UTP20: variants seen among roughly 807,000 people sequenced by gnomAD.
UTP20 encodes small subunit processome component 20 homolog.
Under a neutral mutation model 329.5 loss-of-function variants are expected in UTP20, and 164 were observed. The ratio of observed to expected loss-of-function variants is 0.50; its 90% CI spans 0.44 to 0.57. The LOEUF is 0.57. Among genes scored for constraint, UTP20 ranks in the 20% least tolerant of loss-of-function variants. The pLI is 0.00. For synonymous variants in UTP20, 1,151 were observed against 1,159.3 expected (o/e 0.99, Z 0.14); for missense variants, 3,055 against 3,284.2 (o/e 0.93, Z 1.71).
At position 101,385,708 on chromosome 12, in the gene UTP20, A is replaced by C. The variant is rs1291741135; in HGVS notation, c.8182A>C (p.Lys2728Gln). The C allele has an allele frequency of 1.2e-6, 2 of 1,610,058 alleles. No homozygotes were observed. The highest frequency in any genetic ancestry group is 1.7e-6 in the Non-Finnish European group (2 of 1,179,284). Reference protein sequence around the residue: ...KQANEKRALRKKRKALEFVTN... With the variant: ...KQANEKRALRQKRKALEFVTN... ...GGCTAATGAGAAAAGGGCACTCCGG[A>C]AAAAGAGGAAGGCCCTGGAGGTAAG... The change falls in exon 61 of 62, where the codon AAA (lysine) becomes CAA (glutamine). Residue 2728 changes from lysine (K) to glutamine (Q), a missense_variant. Lys to Gln is a moderately conservative substitution (Grantham distance 53, BLOSUM62 1). This residue lies in a region of UTP20 where 337 missense variants were observed against 345.5 expected (regional missense o/e 0.98). Transcript: ENST00000261637.
At chr12:101,312,938 A>G (rs909711751) in intron 21 of UTP20, among the ~76,000 whole-genome samples, 1 of 152,216 alleles carries the variant, frequency 6.6e-6, no homozygotes, top group Admixed American at 6.5e-5. Context: ...AGTTTGATTC[A>G]TGTAGAAAGG....
chr12:101,367,068 A>G (rs1870117611), intron 47 of UTP20, among the ~76,000 whole-genome samples: 1 of 151,996 alleles, frequency 6.6e-6, no homozygotes, highest in African/African-American at 2.4e-5. Context: ...TCACTTGAGG[A>G]GAGGAGTCTG....
chr12:101,280,151 A>C lies in UTP20; in HGVS notation c.-132A>C. On this transcript the variant is annotated 5_prime_UTR_variant, in exon 1 of 62. Coordinates refer to ENST00000261637, the MANE Select transcript of UTP20 (RefSeq NM_014503.3). The stretch of plus-strand genomic sequence containing the variant: ...CAACATGGCGGCGCCCAGGGGCTCA[A>C]GCCGCACGTGAGAAAGTCTGGGCAT... 8.2e-7 allele frequency: 1 copy of C among 1,224,220 alleles called. No homozygotes were observed. 75.8% of individuals were successfully genotyped at this position (1,224,220 alleles called of 1,614,324 possible). A position where few individuals can be genotyped will look rare whatever the true frequency, so the allele number is the denominator to read the frequency against.
intron 21 of UTP20, among the ~76,000 whole-genome samples, chr12:101,312,704 T>C (rs1460675815): frequency 6.6e-6 from 1 of 152,228 alleles, no homozygotes; most frequent in Non-Finnish European, 1.5e-5. Context: ...CTTCCCAAAG[T>C]GCTGGGATTA....
chr12:101,331,530 A>G (rs551234625), intron 27 of UTP20, among the ~76,000 whole-genome samples: 7 of 152,328 alleles, frequency 4.6e-5, no homozygotes, highest in Admixed American at 3.9e-4. Context: ...AAAGTAGAAC[A>G]TATGTGAGAT....
chr12:101,326,682 C>G (rs1370283585), intron 25 of UTP20, among the ~76,000 whole-genome samples: 5 of 151,890 alleles, frequency 3.3e-5, no homozygotes, highest in Non-Finnish European at 7.4e-5. Flanking sequence ...CTTTTTCTCC[C>G]ATAACAAACC....
Position 101,352,881 on chromosome 12 carries a change from A to G in UTP20, c.5025-166A>G, listed in dbSNP as rs565612676. On this transcript the variant is annotated intron_variant, in intron 39 of 61. Transcript: ENST00000261637. ...GTGAATTAGTCTTTCTGTAATCTCA[A>G]TTTACTTTTATCTTGTATTAATAAG... Among the ~76,000 whole-genome samples the G allele has an allele frequency of 2.6e-5, 4 of 152,196 alleles. No homozygotes were observed. The East Asian group carries it at 5.8e-4, about 22-fold the overall frequency.
intron 10 of UTP20, among the ~76,000 whole-genome samples, chr12:101,292,649 G>A (rs1038755659): frequency 6.6e-6 from 1 of 152,178 alleles, no homozygotes. Flanking sequence ...TACTAAGAGA[G>A]GGAACAGAAA....
chr12:101,366,407 T>G, intron 46 of UTP20, 151 bp from the exon 47 acceptor site: 1 of 821,716 alleles, frequency 1.2e-6, no homozygotes, highest in Non-Finnish European at 1.9e-6. Context: ...CTTCTGTATC[T>G]CATGGTTTGG....
chr12:101,343,762 T>G (rs1468052712), intron 35 of UTP20, among the ~76,000 whole-genome samples: 1 of 152,222 alleles, frequency 6.6e-6, no homozygotes, highest in African/African-American at 2.4e-5. Context: ...TCCGCCCATC[T>G]TGGCCTCCCA....
At chr12:101,296,283 C>CA in intron 12 of UTP20, among the ~76,000 whole-genome samples, 1 of 152,224 alleles carries the variant, frequency 6.6e-6, no homozygotes. Flanking sequence ...TTAATAACCA[C>CA]ACTCCTGGCC....
Position 101,308,297 on chromosome 12 carries a change from G to T in UTP20, c.2108G>T (p.Arg703Ile). Residue 703 changes from arginine to isoleucine, a missense_variant, in exon 18 of 62, where the codon AGA (arginine) becomes ATA (isoleucine). By Grantham distance (97) the Arg-to-Ile change is moderately conservative. Coordinates refer to ENST00000261637, the MANE Select transcript of UTP20 (RefSeq NM_014503.3). ...REKLLHLRKLRHDVVQTAVPD... is the reference protein window; with the variant it reads ...REKLLHLRKLIHDVVQTAVPD... ...AAGCTTCTTCATTTGAGAAAACTAA[G>T]ACATGATGTGGTACAGACTGCTGTC... 2 of 1,612,852 alleles carry T rather than the reference G, an allele frequency of 1.2e-6. No homozygotes were observed. Among genetic ancestry groups the T allele is most frequent in the South Asian group, 2.2e-5 (2 of 90,934 alleles).
At position 101,344,597 on chromosome 12, in the gene UTP20, A is replaced by C; in HGVS notation, c.4452A>C (p.Leu1484Phe). 1 of 941,772 alleles carries C rather than the reference A, an allele frequency of 1.1e-6. No individual in the cohort carries two copies. The highest frequency in any genetic ancestry group is 1.8e-6 in the Non-Finnish European group (1 of 566,856). 58.3% of individuals were successfully genotyped at this position (941,772 alleles called of 1,614,324 possible). Residue 1484 changes from leucine (L) to phenylalanine (F), a missense_variant and splice_region_variant, in exon 36 of 62, where the codon TTA becomes TTC. Physicochemically the swap from Leu to Phe is conservative, Grantham distance 22. Around this residue, in one of 3 missense-constraint regions of UTP20, gnomAD observed 2,445 missense variants for 2,575.5 expected, o/e 0.95. Coordinates refer to ENST00000261637, the MANE Select transcript of UTP20 (RefSeq NM_014503.3). ...VMHNCFYNLELGDMSLSDNAS... is the reference protein window; with the variant it reads ...VMHNCFYNLEFGDMSLSDNAS... ...TTTTTTATTTCTCTTTTTTGCAGTT[A>C]GGAGATATGAGTTTAAGTGATAATG... is the stretch of plus-strand genomic sequence containing the variant.
chr12:101,385,995 A>G lies in UTP20; in HGVS notation c.8230A>G (p.Lys2744Glu). ...TGTAACTAATCCTGATATTGCTGCC[A>G]AGAAAAAAATGAAGAAACACAAAAA... ...EFVTNPDIAA[K>E]KKMKKHKNKS... Residue 2744 changes from lysine (K) to glutamate (E), a missense_variant, in exon 62 of 62, where the codon AAG becomes GAG. Physicochemically the swap from Lys to Glu is moderately conservative, Grantham distance 56 (BLOSUM62 1). Transcript: ENST00000261637. The G allele has an allele frequency of 6.2e-7, 1 of 1,602,046 alleles. No homozygotes were observed. Among genetic ancestry groups the G allele is most frequent in the Admixed American group, 1.8e-5 (1 of 56,758 alleles).
At chr12:101,357,162 C>T in intron 43 of UTP20, 80 bp downstream of exon 43, 1 of 1,358,820 alleles carries the variant, frequency 7.4e-7, no homozygotes, top group Non-Finnish European at 1.0e-6. Flanking sequence ...AGTTATGGAA[C>T]TTTGGGCCTG....
At chr12:101,360,516 T>A (rs1869876302) in intron 43 of UTP20, among the ~76,000 whole-genome samples, 1 of 152,096 alleles carries the variant, frequency 6.6e-6, no homozygotes, top group African/African-American at 2.4e-5. Flanking sequence ...CGTCTATATA[T>A]AAAAGTACTT....
intron 12 of UTP20, among the ~76,000 whole-genome samples, chr12:101,297,905 T>C (rs1401997859): frequency 6.6e-6 from 1 of 152,188 alleles, no homozygotes; most frequent in Non-Finnish European, 1.5e-5. Context: ...ATGTGCTAAC[T>C]CATGGCAAGT....
chr12:101,332,731 T>C (rs1868800488), intron 27 of UTP20, among the ~76,000 whole-genome samples: 1 of 152,216 alleles, frequency 6.6e-6, no homozygotes, highest in African/African-American at 2.4e-5. Context: ...ATCCTCTTGC[T>C]GTACAAAGTA....
chr12:101,355,077 G>A lies in UTP20; in HGVS notation c.5353G>A (p.Gly1785Arg). ...TAAAAATATCCAAGGAACCATAACC[G>A]GGGATATTCTCCCCAGGCTACATAA... is the stretch of plus-strand genomic sequence containing the variant. ...TIKNIQGTIT[G>R]DILPRLHKCL... Residue 1785 changes from glycine to arginine, a missense_variant, in exon 41 of 62, where the codon GGG becomes AGG. By Grantham distance (125) the Gly-to-Arg change is moderately radical. Transcript: ENST00000261637. 1.9e-6 allele frequency: 3 copies of A among 1,614,086 alleles called. No homozygotes were observed. Among genetic ancestry groups the A allele is most frequent in the East Asian group, 2.2e-5 (1 of 44,878 alleles).
Sources: allele counts gnomAD v4.1 joint callset (sites outside exome capture counted in the v4.1 genomes callset), GRCh38; gene constraint gnomAD v4.1.1; regional missense constraint gnomAD v4.1.1; transcripts MANE v1.5; gene names NCBI Gene and HGNC (gene_info 2026-07-23, HGNC 2026-07-21).